The following ATP11A variants were observed in gnomAD, a reference collection of about 807,000 sequenced individuals.
ATP11A encodes ATPase phospholipid transporting 11A, also known as phospholipid-transporting ATPase IH.
In ATP11A, 81 loss-of-function variants were observed where a neutral mutation model predicts 154.4. That is an observed-to-expected ratio of 0.52 (90% CI 0.44 to 0.63). The LOEUF (loss-of-function observed/expected upper bound fraction) is 0.63. Among genes scored for constraint, ATP11A ranks in the 30% least tolerant of loss-of-function variants. The probability of loss-of-function intolerance (pLI) is 0.00; values close to 1 mark genes in which losing one functional copy is unlikely to be tolerated. For missense variants in ATP11A, 1,316 were observed against 1,474.3 expected (o/e 0.89, Z 1.76); for synonymous variants, 623 against 585.9 (o/e 1.06, Z -0.91).
rs1428796717 is a variant in ATP11A at position 112,885,417 on chromosome 13, CAAAT to C, written c.*3552_*3555del. Reference sequence around the variant, plus strand: ...CACGTGCACATTCATGTGTACACCACAAATGAGTTCCCAGACGTGTAAACACACG... The same window carrying C: ...CACGTGCACATTCATGTGTACACCACGAGTTCCCAGACGTGTAAACACACG... On this transcript the variant is annotated 3_prime_UTR_variant, in exon 30 of 30. Coordinates refer to ENST00000375645, the MANE Select transcript of ATP11A (RefSeq NM_015205.3). The C allele has an allele frequency of 6.6e-6, 1 of 152,244 alleles. No homozygotes were observed. Among genetic ancestry groups the C allele is most frequent in the African/African-American group, 2.4e-5 (1 of 41,442 alleles). The allele number at this position is 152,244 out of a possible 1,614,324, so 9.4% of individuals were successfully genotyped here.
intron 6 of ATP11A, among the ~76,000 whole-genome samples, chr13:112,818,770 G>A (rs2078715770): frequency 6.6e-6 from 1 of 152,246 alleles, no homozygotes; most frequent in Non-Finnish European, 1.5e-5. Flanking sequence ...GCTGAGCCCA[G>A]GAATCAGGTG....
chr13:112,790,475 GA>G (rs2077818991), intron 2 of ATP11A, among the ~76,000 whole-genome samples: 1 of 147,436 alleles, frequency 6.8e-6, no homozygotes. Context: ...CTCCTGTGGA[GA>G]CCTACTTAAT....
chr13:112,742,856 A>G (rs148640130), intron 1 of ATP11A, among the ~76,000 whole-genome samples: 74 of 152,224 alleles, frequency 4.9e-4, no homozygotes, highest in African/African-American at 1.6e-3. Flanking sequence ...TGTTTTTCCA[A>G]TCCTTACTGT....
chr13:112,725,876 A>G (rs1889804240), intron 1 of ATP11A, among the ~76,000 whole-genome samples: 1 of 152,198 alleles, frequency 6.6e-6, no homozygotes, highest in African/African-American at 2.4e-5. Context: ...AGAGAGACTC[A>G]GGAGCCCCTC....
Position 112,882,253 on chromosome 13 carries a change from C to T in ATP11A, c.*387C>T. 1.6e-6 allele frequency: 1 copy of T among 630,838 alleles called. No individual in the cohort carries two copies. Among genetic ancestry groups the T allele is most frequent in the Non-Finnish European group, 2.4e-6 (1 of 422,844 alleles). The allele number at this position is 630,838 out of a possible 1,614,324, so 39.1% of individuals were successfully genotyped here. On this transcript the variant is annotated 3_prime_UTR_variant, in exon 30 of 30. Coordinates refer to ENST00000375645, the MANE Select transcript of ATP11A (RefSeq NM_015205.3). This position sits in a 1 kb window ranked among gnomAD's most constrained non-coding sequence, Gnocchi z 5.1. Reference sequence around the variant, plus strand: ...ACGCAGGAGGGACATTCTGCTGGCCCACCCTGCGCGCTGTCATGCAGAGGC... The same window carrying T: ...ACGCAGGAGGGACATTCTGCTGGCCTACCCTGCGCGCTGTCATGCAGAGGC...
intron 2 of ATP11A, among the ~76,000 whole-genome samples, chr13:112,793,980 CA>C (rs2140089055): frequency 6.6e-6 from 1 of 152,302 alleles, no homozygotes; most frequent in South Asian, 2.1e-4. Context: ...AGCTCAGGGC[CA>C]AAATCAGAGC....
intron 1 of ATP11A, among the ~76,000 whole-genome samples, chr13:112,712,431 G>A (rs968661683): frequency 2.6e-5 from 4 of 152,194 alleles, no homozygotes; most frequent in Non-Finnish European, 5.9e-5. Context: ...TGCCACACCA[G>A]CCTTTATCCA....
intron 15 of ATP11A, among the ~76,000 whole-genome samples, chr13:112,834,935 A>G (rs2079191415): frequency 6.6e-6 from 1 of 152,172 alleles, no homozygotes; most frequent in Admixed American, 6.5e-5. Flanking sequence ...TTCACTGTCA[A>G]ATATGTTTTG....
At chr13:112,835,417 A>T (rs932341820) in intron 15 of ATP11A, among the ~76,000 whole-genome samples, 2 of 152,236 alleles carry the variant, frequency 1.3e-5, no homozygotes, top group Non-Finnish European at 2.9e-5. Flanking sequence ...AAATCCCTTG[A>T]TTCGGCGGGG....
chr13:112,714,505 C>T (rs936417203), intron 1 of ATP11A, among the ~76,000 whole-genome samples: 1 of 152,194 alleles, frequency 6.6e-6, no homozygotes, highest in African/African-American at 2.4e-5. Context: ...CAGCTCTGGG[C>T]CTCCCCAGGG....
In ATP11A at chr13:112,871,791, T is replaced by TA; in HGVS notation, c.3049dup (p.Thr1017AsnfsTer95). 1 of 1,614,190 alleles carries TA rather than the reference T, an allele frequency of 6.2e-7. No homozygotes were observed. The highest frequency in any genetic ancestry group is 1.1e-5 in the South Asian group (1 of 91,086). Reference sequence around the variant, plus strand: ...TATTCACCGTGATGGTGTTCACAGTTACACTAAAGGTAAGTGGTCTCGCGC... The same window carrying TA: ...TATTCACCGTGATGGTGTTCACAGTTAACACTAAAGGTAAGTGGTCTCGCGC... On this transcript the variant is annotated frameshift_variant, in exon 26 of 30. Transcript: ENST00000375645.
rs1012316221 is a variant in ATP11A, at chr13:112,854,377, C to T, written c.2090C>T (p.Thr697Met). Residue 697 changes from threonine to methionine, a missense_variant, in exon 19 of 30, where the codon ACG becomes ATG. Physicochemically the swap from Thr to Met is moderately conservative, Grantham distance 81. Around this residue, in one of 5 missense-constraint regions of ATP11A, gnomAD observed 876 missense variants for 1,006.8 expected, o/e 0.87. Transcript: ENST00000375645. Reference protein sequence around the residue: ...TGDKMETAAATCYACKLFRRN... With the variant: ...TGDKMETAAAMCYACKLFRRN... ...GACAAGATGGAGACGGCCGCGGCCA[C>T]GTGCTACGCCTGCAAGCTCTTCCGC... is the stretch of plus-strand genomic sequence containing the variant. The T allele has an allele frequency of 3.7e-6, 6 of 1,613,886 alleles. No homozygotes were observed. Among genetic ancestry groups the T allele is most frequent in the African/African-American group, 1.3e-5 (1 of 74,930 alleles).
At chr13:112,769,425 G>C (rs574094489) in intron 1 of ATP11A, among the ~76,000 whole-genome samples, 4 of 152,364 alleles carry the variant, frequency 2.6e-5, no homozygotes, top group South Asian at 2.1e-4. Flanking sequence ...GAAGGAGCCC[G>C]TGACCCGGGT....
intron 8 of ATP11A, among the ~76,000 whole-genome samples, chr13:112,822,948 A>G (rs1311712072): frequency 2.0e-5 from 3 of 151,948 alleles, no homozygotes; most frequent in Non-Finnish European, 4.4e-5. Flanking sequence ...CTTCCTGACT[A>G]GTGTGATGGT....
At chr13:112,857,111 C>G (rs1594192118) in intron 20 of ATP11A, among the ~76,000 whole-genome samples, 1 of 152,322 alleles carries the variant, frequency 6.6e-6, no homozygotes, top group South Asian at 2.1e-4. Flanking sequence ...AAGTTCTCAA[C>G]TGGCTTTTGA....
chr13:112,814,438 A>G (rs2078587068), intron 5 of ATP11A, among the ~76,000 whole-genome samples: 1 of 152,134 alleles, frequency 6.6e-6, no homozygotes, highest in African/African-American at 2.4e-5. Context: ...CCTAGACCCA[A>G]AGACTTTCTC....
chr13:112,880,670 C>G (rs9577395), intron 29 of ATP11A: 264,499 of 1,280,656 alleles, frequency 0.21, 28,634 homozygotes, highest in South Asian at 0.27. Flanking sequence ...GGCTGCTGGA[C>G]GCCGCCCGTG....
chr13:112,763,775 C>T (rs1438407261), intron 1 of ATP11A, among the ~76,000 whole-genome samples: 1 of 152,208 alleles, frequency 6.6e-6, no homozygotes, highest in Admixed American at 6.5e-5. Context: ...TTTGAATCCA[C>T]CTGTGACCTG....
Position 112,876,410 on chromosome 13 carries a change from C to T in ATP11A, c.3327+469C>T, listed in dbSNP as rs530662873. 3.9e-5 allele frequency among the ~76,000 whole-genome samples: 6 copies of T among 151,984 alleles called. No individual in the cohort carries two copies. The South Asian group carries it at 1.0e-3, about 26-fold the overall frequency. On this transcript the variant is annotated intron_variant, in intron 28 of 29. Transcript: ENST00000375645. ...GGGTCCAGGGAAGACGTGACGATGC[C>T]GAGTGTCCCCCCAGGTGCAGGGTTT...
Sources: allele counts gnomAD v4.1 joint callset (sites outside exome capture counted in the v4.1 genomes callset), GRCh38; gene constraint gnomAD v4.1.1; regional missense constraint gnomAD v4.1.1; non-coding constraint Gnocchi (gnomAD v3.1); transcripts MANE v1.5; gene names NCBI Gene and HGNC (gene_info 2026-07-23, HGNC 2026-07-21).